Variants in ZNF536 observed in about 807,000 individuals in gnomAD.
ZNF536 encodes zinc finger protein 536.
Under a neutral mutation model 84.5 loss-of-function variants are expected in ZNF536, and 13 were observed. The ratio of observed to expected loss-of-function variants is 0.15; its 90% CI spans 0.10 to 0.24. ZNF536 has a LOEUF of 0.24. Among genes scored for constraint, ZNF536 ranks in the 10% least tolerant of loss-of-function variants. ZNF536 has a pLI of 1.00. For synonymous variants in ZNF536, 811 were observed against 742.5 expected (o/e 1.09, Z -1.50); for missense variants, 1,536 against 1,747.5 (o/e 0.88, Z 2.16).
chr19:30,498,167 A>G (rs1230344826), intron 2 of ZNF536, among the ~76,000 whole-genome samples: 1 of 152,234 alleles, frequency 6.6e-6, no homozygotes, highest in Non-Finnish European at 1.5e-5. Context: ...TATTCACAAT[A>G]GCAAAGACAT....
chr19:30,363,176 G>A (rs2146909593), intron 3 of ZNF536, among the ~76,000 whole-genome samples: 1 of 152,284 alleles, frequency 6.6e-6, no homozygotes, highest in Admixed American at 6.5e-5. Flanking sequence ...TGGAACTCTA[G>A]GCTGACAAAA....
At chr19:30,660,756 C>T (rs547614806) in intron 1 of ZNF536, among the ~76,000 whole-genome samples, 22 of 152,264 alleles carry the variant, frequency 1.4e-4, no homozygotes, top group African/African-American at 4.6e-4. Flanking sequence ...GGATTTGTGC[C>T]GTCATGATTG....
At chr19:30,472,824 T>C (rs1055323706) in intron 2 of ZNF536, among the ~76,000 whole-genome samples, 1 of 152,106 alleles carries the variant, frequency 6.6e-6, no homozygotes, top group Non-Finnish European at 1.5e-5. Flanking sequence ...TGTTGTCCAA[T>C]GCTGCAAGGA....
chr19:30,615,654 T>C (rs965467121), intron 1 of ZNF536, among the ~76,000 whole-genome samples: 17 of 152,252 alleles, frequency 1.1e-4, no homozygotes, highest in Middle Eastern at 3.4e-3. Flanking sequence ...AAATGCTCCG[T>C]AGAATTTTTC....
intron 2 of ZNF536, among the ~76,000 whole-genome samples, chr19:30,312,330 A>G (rs1423056272): frequency 6.6e-6 from 1 of 152,032 alleles, no homozygotes; most frequent in African/African-American, 2.4e-5. Context: ...ACGCGCCACA[A>G]CTTTCCCGGA....
chr19:30,280,141 A>G (rs2045387709), intron 1 of ZNF536, among the ~76,000 whole-genome samples: 1 of 151,554 alleles, frequency 6.6e-6, no homozygotes, highest in Non-Finnish European at 1.5e-5. Context: ...CTGCACTTTC[A>G]TCCTTCCATC....
At chr19:30,577,450 G>T (rs1027299823) in intron 1 of ZNF536, among the ~76,000 whole-genome samples, 1 of 152,054 alleles carries the variant, frequency 6.6e-6, no homozygotes, top group African/African-American at 2.4e-5. Flanking sequence ...AATTAGAGTA[G>T]GTATTTCAGC....
At chr19:30,600,610 G>T (rs2047650581) in intron 1 of ZNF536, among the ~76,000 whole-genome samples, 1 of 152,190 alleles carries the variant, frequency 6.6e-6, no homozygotes, top group South Asian at 2.1e-4. Context: ...GAGGGAGGAA[G>T]AGCATGGGGC....
chr19:30,330,615 G>A (rs559517455), intron 2 of ZNF536, among the ~76,000 whole-genome samples: 5 of 152,296 alleles, frequency 3.3e-5, no homozygotes, highest in Non-Finnish European at 4.4e-5. Context: ...TTACTCTGAC[G>A]TTTGGGCTCT....
At position 30,305,018 on chromosome 19, in the gene ZNF536, A is replaced by G. The variant is rs148839429; in HGVS notation, c.-120+20877A>G. On this transcript the variant is annotated intron_variant, in intron 2 of 5. Transcript: ENST00000585628. Reference sequence around the variant, plus strand: ...CTCATTTGCTCCTCTGAAGTTCTGCAGAATTAAGAGCCCAAGGGAGTAGCC... The same window carrying G: ...CTCATTTGCTCCTCTGAAGTTCTGCGGAATTAAGAGCCCAAGGGAGTAGCC... Among the ~76,000 whole-genome samples the G allele has an allele frequency of 5.9e-3, 904 of 152,340 alleles. 16 individuals carry two copies. The highest frequency in any genetic ancestry group is 0.021 in the African/African-American group (863 of 41,582).
At chr19:30,647,488 TGTTCTGCTACTA>T (rs1568633988) in intron 1 of ZNF536, among the ~76,000 whole-genome samples, 1 of 152,248 alleles carries the variant, frequency 6.6e-6, no homozygotes. Flanking sequence ...CTTTCTCACC[TGTTCTGCTACTA>T]GGCTGATTTC....
chr19:30,360,326 G>A (rs1416688409), intron 3 of ZNF536, among the ~76,000 whole-genome samples: 1 of 152,174 alleles, frequency 6.6e-6, no homozygotes, highest in East Asian at 1.9e-4. Flanking sequence ...AATATTATTT[G>A]TTTTTATTTC....
At chr19:30,244,878 A>G (rs1477256288) in intron 1 of ZNF536, among the ~76,000 whole-genome samples, 2 of 152,216 alleles carry the variant, frequency 1.3e-5, no homozygotes, top group Non-Finnish European at 2.9e-5. Flanking sequence ...AGGAAATGCC[A>G]ATGGAACACA....
At chr19:30,570,128 C>G (rs1003998331) in intron 1 of ZNF536, among the ~76,000 whole-genome samples, 1 of 152,200 alleles carries the variant, frequency 6.6e-6, no homozygotes, top group Admixed American at 6.5e-5. Context: ...TACCTTGGTG[C>G]ACAGAGGGGA....
chr19:30,230,515 C>T (rs1463570403), intron 1 of ZNF536, among the ~76,000 whole-genome samples: 21 of 152,312 alleles, frequency 1.4e-4, no homozygotes, highest in African/African-American at 1.4e-4. Flanking sequence ...GCTGTCTTCA[C>T]GGAAGACTTA....
chr19:30,520,912 G>A (rs553710014), intron 2 of ZNF536, among the ~76,000 whole-genome samples: 7 of 152,316 alleles, frequency 4.6e-5, no homozygotes, highest in South Asian at 2.1e-4. Context: ...CACACAGCTC[G>A]GAAGTGGCCT....
At chr19:30,427,756 A>T (rs2051277675) in intron 1 of ZNF536, among the ~76,000 whole-genome samples, 1 of 152,138 alleles carries the variant, frequency 6.6e-6, no homozygotes, top group Non-Finnish European at 1.5e-5. Context: ...GTGTTCAAGC[A>T]TCATGTGTAA....
At chr19:30,293,114 A>T (rs1186113708) in intron 2 of ZNF536, among the ~76,000 whole-genome samples, 1 of 152,104 alleles carries the variant, frequency 6.6e-6, no homozygotes, top group Non-Finnish European at 1.5e-5. Flanking sequence ...CCAAATGTAA[A>T]GATCTGCTCT....
intron 2 of ZNF536, among the ~76,000 whole-genome samples, chr19:30,334,004 C>G (rs1390842820): frequency 6.6e-6 from 1 of 152,134 alleles, no homozygotes; most frequent in East Asian, 1.9e-4. Flanking sequence ...CCCAAACCAC[C>G]CTTCAGGTTG....
Sources: gnomAD v4.1 joint callset for allele counts (sites outside exome capture counted in the v4.1 genomes callset) on GRCh38, gnomAD v4.1.1 for gene constraint, MANE v1.5 for transcripts, NCBI Gene and HGNC (gene_info 2026-07-23, HGNC 2026-07-21) for gene names.